Variants in FAM120A observed in about 807,000 individuals in gnomAD.
FAM120A encodes the protein family with sequence similarity 120 member A.
A neutral mutation model predicts 109.7 loss-of-function variants in FAM120A; 15 were observed. The observed-to-expected ratio is 0.14, with a 90% CI of 0.09 to 0.21. The LOEUF is 0.21. Among genes scored for constraint, FAM120A ranks in the 10% least tolerant of loss-of-function variants. The pLI is 1.00. For synonymous variants in FAM120A, 493 were observed against 572.8 expected, an observed-to-expected ratio of 0.86 and a Z score of 1.99; for missense variants, 899 against 1,439.3, an observed-to-expected ratio of 0.62 and a Z score of 6.07.
intron 16 of FAM120A, among the ~76,000 whole-genome samples, chr9:93,561,939 C>A (rs983494926): frequency 6.6e-6 from 1 of 152,042 alleles, no homozygotes; most frequent in Non-Finnish European, 1.5e-5. Flanking sequence ...AAGATTGATT[C>A]CTTGGAATAA....
At chr9:93,505,048 T>TGGG in intron 5 of FAM120A, among the ~76,000 whole-genome samples, 1 of 131,002 alleles carries the variant, frequency 7.6e-6, no homozygotes, top group Non-Finnish European at 1.6e-5. Flanking sequence ...GTTGTTCGCT[T>TGGG]GTGTTTTTTT....
chr9:93,497,734 C>A, intron 4 of FAM120A, 135 bp downstream of exon 4: 1 of 1,115,462 alleles, frequency 9.0e-7, no homozygotes, highest in Non-Finnish European at 1.2e-6. Flanking sequence ...TTGCTCAGGC[C>A]ACTGGAAGAA....
intron 3 of FAM120A, among the ~76,000 whole-genome samples, chr9:93,481,246 G>GT (rs1233238161): frequency 2.6e-5 from 4 of 152,240 alleles, no homozygotes. Flanking sequence ...GACTTTTGGG[G>GT]TTTTAAAAAT....
At chr9:93,464,957 C>A (rs1294784990) in intron 1 of FAM120A, among the ~76,000 whole-genome samples, 1 of 152,194 alleles carries the variant, frequency 6.6e-6, no homozygotes, top group African/African-American at 2.4e-5. Context: ...GTACACATTT[C>A]ATTGTATTAT....
intron 3 of FAM120A, among the ~76,000 whole-genome samples, chr9:93,488,149 GT>G (rs1421703836): frequency 6.6e-6 from 1 of 152,170 alleles, no homozygotes; most frequent in African/African-American, 2.4e-5. Context: ...GGACCTCTGT[GT>G]AATCTCTCCC....
intron 13 of FAM120A, among the ~76,000 whole-genome samples, chr9:93,557,462 A>T (rs10121798): frequency 0.022 from 3,307 of 152,274 alleles, 121 homozygotes; most frequent in African/African-American, 0.075. Flanking sequence ...ATTACCAACA[A>T]AAAAGGACAA....
At chr9:93,531,315 T>G (rs1861321309) in intron 9 of FAM120A, 1 of 152,236 alleles carries the variant, frequency 6.6e-6, no homozygotes, top group African/African-American at 2.4e-5. Context: ...AAATTATTAT[T>G]TAAAGCATAT....
intron 1 of FAM120A, among the ~76,000 whole-genome samples, chr9:93,468,073 G>A (rs1010954512): frequency 6.6e-6 from 1 of 151,876 alleles, no homozygotes; most frequent in Non-Finnish European, 1.5e-5. Context: ...TAGTAGAGTC[G>A]GGGTTTCACC....
chr9:93,543,284 C>G lies in FAM120A; in HGVS notation c.1972C>G (p.Leu658Val). Residue 658 changes from leucine (L) to valine (V), a missense_variant, in exon 11 of 18, where the codon CTG (leucine) becomes GTG (valine). Around this residue, in one of 11 missense-constraint regions of FAM120A, gnomAD observed 133 missense variants for 276.6 expected, o/e 0.48. Transcript: ENST00000277165. ...YKGKSPQTPELVEALAFREWT... is the reference protein window; with the variant it reads ...YKGKSPQTPEVVEALAFREWT... ...AGGAAAGTCTCCTCAAACCCCGGAA[C>G]TGGTTGAAGCTCTTGCCTTCAGGGA... 1 of 1,614,210 alleles carries G rather than the reference C, an allele frequency of 6.2e-7. No individual in the cohort carries two copies. Among genetic ancestry groups the G allele is most frequent in the Non-Finnish European group, 8.5e-7 (1 of 1,180,042 alleles).
At chr9:93,561,320 G>C in intron 16 of FAM120A, 70 bp downstream of exon 16, 2 of 1,453,930 alleles carry the variant, frequency 1.4e-6, no homozygotes, top group East Asian at 5.0e-5. Context: ...CTTTTTTTTG[G>C]AAGTTTAAGT....
At chr9:93,533,639 A>G (rs1439403322) in intron 10 of FAM120A, among the ~76,000 whole-genome samples, 2 of 152,188 alleles carry the variant, frequency 1.3e-5, no homozygotes, top group Non-Finnish European at 2.9e-5. Flanking sequence ...TACTTTGCAC[A>G]TGGCTGGTCA....
intron 13 of FAM120A, among the ~76,000 whole-genome samples, chr9:93,557,169 G>C (rs1862314039): frequency 7.6e-6 from 1 of 132,418 alleles, no homozygotes; most frequent in African/African-American, 3.0e-5. Flanking sequence ...CGCTCTTGTC[G>C]CCCAGGCTGG....
intron 6 of FAM120A, 24 bp downstream of exon 6, chr9:93,515,791 CGG>C: frequency 6.4e-6 from 3 of 468,058 alleles, no homozygotes; most frequent in Non-Finnish European, 1.1e-5. Context: ...TGCGTTGGGT[CGG>C]GTGGCGGGTC....
At position 93,480,138 on chromosome 9, in the gene FAM120A, A is replaced by G. The variant is rs190539536; in HGVS notation, c.804+3800A>G. Among the ~76,000 whole-genome samples, 154 of 152,332 alleles carry G rather than the reference A, an allele frequency of 1.0e-3. 1 individual carries two copies. Among genetic ancestry groups the G allele is most frequent in the Non-Finnish European group, 1.7e-3 (118 of 68,020 alleles). On this transcript the variant is annotated intron_variant, in intron 3 of 17. Transcript: ENST00000277165. ...TGTAAGGTGACTTCTTCATACCTCA[A>G]TGGTAACCTTAAGAGCTGCTAGTAA... is the stretch of plus-strand genomic sequence containing the variant.
intron 1 of FAM120A, chr9:93,453,607 C>T (rs1857395888): frequency 1.0e-6 from 1 of 985,428 alleles, no homozygotes. Context: ...GTCCCACCCA[C>T]GATCCGGTTG....
intron 5 of FAM120A, among the ~76,000 whole-genome samples, chr9:93,499,727 T>C (rs757352979): frequency 6.6e-6 from 1 of 152,232 alleles, no homozygotes; most frequent in Non-Finnish European, 1.5e-5. Context: ...GTATGAGAAA[T>C]AGACCCCAAC....
intron 7 of FAM120A, among the ~76,000 whole-genome samples, chr9:93,523,892 G>A (rs759860228): frequency 2.0e-5 from 3 of 152,250 alleles, no homozygotes; most frequent in Non-Finnish European, 4.4e-5. Context: ...TTAGGTGTCT[G>A]TCTCTGTGAC....
In FAM120A at chr9:93,453,020, T is replaced by C. The variant is rs1316714035; in HGVS notation, c.474+631T>C. The C allele has an allele frequency of 3.3e-5, 39 of 1,184,498 alleles. 1 individual carries two copies. Among genetic ancestry groups the C allele is most frequent in the African/African-American group, 4.9e-5 (3 of 61,276 alleles). 73.4% of individuals were successfully genotyped at this position (1,184,498 alleles called of 1,614,324 possible). ...GTGTTTAGAGAATCTTTCTATGGCT[T>C]TTTGTGTTAGATTTCAAAGACCCGT... On this transcript the variant is annotated intron_variant, in intron 1 of 17. Coordinates refer to ENST00000277165, the MANE Select transcript of FAM120A (RefSeq NM_014612.5).
At chr9:93,460,350 G>A (rs1052008670) in intron 1 of FAM120A, among the ~76,000 whole-genome samples, 2 of 151,670 alleles carry the variant, frequency 1.3e-5, no homozygotes, top group Admixed American at 1.3e-4. Flanking sequence ...TTTCCTTTTC[G>A]CTTTTTTTTG....
Sources: allele counts gnomAD v4.1 joint callset (sites outside exome capture counted in the v4.1 genomes callset), GRCh38; gene constraint gnomAD v4.1.1; regional missense constraint gnomAD v4.1.1; transcripts MANE v1.5; gene names NCBI Gene and HGNC (gene_info 2026-07-23, HGNC 2026-07-21).